Variants in HMGCLL1 observed in about 807,000 individuals in gnomAD.
HMGCLL1 encodes 3-hydroxy-3-methylglutaryl-CoA lyase like 1.
In HMGCLL1, 36 loss-of-function variants were observed where a neutral mutation model predicts 39.1. That is an observed-to-expected ratio of 0.92 (90% CI 0.71 to 1.22). The LOEUF (loss-of-function observed/expected upper bound fraction) is 1.22, where lower values mean the gene tolerates loss of function less well. Ranked by LOEUF, HMGCLL1 falls within the 50% of genes most tolerant of loss-of-function variation. The pLI is 0.00. For missense variants in HMGCLL1, 451 were observed against 416.5 expected (o/e 1.08, Z -0.72); for synonymous variants, 149 against 144.0 (o/e 1.03, Z -0.25).
the HMGCLL1 span, among the ~76,000 whole-genome samples, chr6:55,637,197 T>C: frequency 6.6e-6 from 1 of 152,138 alleles, no homozygotes; most frequent in African/African-American, 2.4e-5. Context: ...TGACGAGCTT[T>C]TATTTGAGAT....
the HMGCLL1 span, among the ~76,000 whole-genome samples, chr6:55,592,221 C>A: frequency 6.6e-6 from 1 of 151,918 alleles, no homozygotes; most frequent in Admixed American, 6.6e-5. Flanking sequence ...CCTCTAGTGT[C>A]TTTTATTTTA....
At chr6:55,458,544 G>A (rs932167658) in intron 7 of HMGCLL1, among the ~76,000 whole-genome samples, 5 of 152,212 alleles carry the variant, frequency 3.3e-5, no homozygotes, top group Middle Eastern at 3.4e-3. Flanking sequence ...AAATGAAGAC[G>A]GTCAGAACAA....
intron 1 of HMGCLL1, among the ~76,000 whole-genome samples, chr6:55,562,728 G>A (rs538570335): frequency 6.6e-6 from 1 of 152,206 alleles, no homozygotes; most frequent in South Asian, 2.1e-4. Flanking sequence ...AACAGGCTAA[G>A]CGATCAACTA....
At chr6:55,487,404 G>A (rs182929845) in intron 7 of HMGCLL1, among the ~76,000 whole-genome samples, 16 of 151,940 alleles carry the variant, frequency 1.1e-4, no homozygotes, top group East Asian at 7.8e-4. Flanking sequence ...CTATCAACCC[G>A]TCACCTACAT....
intron 8 of HMGCLL1, among the ~76,000 whole-genome samples, chr6:55,436,215 A>G (rs889779662): frequency 3.3e-5 from 5 of 152,024 alleles, no homozygotes; most frequent in Non-Finnish European, 7.4e-5. Context: ...GATTACAGAA[A>G]AGGTGTATGC....
At chr6:55,641,592 G>C in the HMGCLL1 span, among the ~76,000 whole-genome samples, 1 of 151,910 alleles carries the variant, frequency 6.6e-6, no homozygotes, top group Non-Finnish European at 1.5e-5. Context: ...TTGGAAGAAG[G>C]GAGTAGGAAA....
At chr6:55,492,814 C>G (rs1015467896) in intron 7 of HMGCLL1, among the ~76,000 whole-genome samples, 1 of 152,096 alleles carries the variant, frequency 6.6e-6, no homozygotes, top group Non-Finnish European at 1.5e-5. Context: ...GCCCCCTTCC[C>G]TCCCTTCTGC....
intron 7 of HMGCLL1, among the ~76,000 whole-genome samples, chr6:55,459,366 T>C (rs1764459970): frequency 6.6e-6 from 1 of 152,146 alleles, no homozygotes; most frequent in Non-Finnish European, 1.5e-5. Flanking sequence ...AAAATTATTT[T>C]AGACTGTTTA....
At chr6:55,676,996 G>A in the HMGCLL1 span, among the ~76,000 whole-genome samples, 1 of 152,182 alleles carries the variant, frequency 6.6e-6, no homozygotes. Context: ...TGTGGAAAGG[G>A]GTGCTATTGT....
chr6:55,521,393 A>G (rs951939499), intron 3 of HMGCLL1, among the ~76,000 whole-genome samples: 14 of 152,036 alleles, frequency 9.2e-5, no homozygotes, highest in Non-Finnish European at 1.9e-4. Context: ...GCTGTGCTTT[A>G]TTGTATTTCA....
chr6:55,610,441 G>T, the HMGCLL1 span, among the ~76,000 whole-genome samples: 1 of 152,054 alleles, frequency 6.6e-6, no homozygotes, highest in East Asian at 1.9e-4. Context: ...ATCAGAGCTT[G>T]AAGACTATCT....
rs541791733 is a variant in HMGCLL1, at chr6:55,497,497, A to G, written c.606+1739T>C. Among the ~76,000 whole-genome samples, 3 of 152,198 alleles carry G rather than the reference A, an allele frequency of 2.0e-5. No individual in the cohort carries two copies. In the East Asian group the frequency reaches 5.8e-4, roughly 29 times the overall value. Reference sequence around the variant, plus strand: ...GGCAGGTGCTGTGCTAGGTCCCAGGATATAATGGGGAAATGAATATTGACA... The same window carrying G: ...GGCAGGTGCTGTGCTAGGTCCCAGGGTATAATGGGGAAATGAATATTGACA... On this transcript the variant is annotated intron_variant, in intron 6 of 8. Coordinates refer to ENST00000274901, the MANE Select transcript of HMGCLL1 (RefSeq NM_001042406.2).
Position 55,499,304 on chromosome 6 carries a change from A to G in HMGCLL1, c.543-5T>C. On this transcript the variant is annotated splice_polypyrimidine_tract_variant and splice_region_variant and intron_variant, in intron 5 of 8. Transcript: ENST00000274901. Reference sequence around the variant, plus strand: ...CCCAGAGCACAAGACACATACCTAAATTAAAAATACAGCCTTATAAATATG... The same window carrying G: ...CCCAGAGCACAAGACACATACCTAAGTTAAAAATACAGCCTTATAAATATG... 6.3e-7 allele frequency: 1 copy of G among 1,590,360 alleles called. No homozygotes were observed. The highest frequency in any genetic ancestry group is 8.6e-7 in the Non-Finnish European group (1 of 1,168,622).
At chr6:55,601,948 T>C in the HMGCLL1 span, among the ~76,000 whole-genome samples, 1 of 152,114 alleles carries the variant, frequency 6.6e-6, no homozygotes, top group African/African-American at 2.4e-5. Context: ...ACAAATGCAA[T>C]CCATTCAATC....
chr6:55,496,958 A>G (rs1341002866), intron 6 of HMGCLL1, among the ~76,000 whole-genome samples: 3 of 152,120 alleles, frequency 2.0e-5, no homozygotes, highest in Admixed American at 1.3e-4. Context: ...TCATGGATCA[A>G]CTATATTAAG....
intron 1 of HMGCLL1, among the ~76,000 whole-genome samples, chr6:55,562,369 A>G (rs1770991594): frequency 2.0e-5 from 3 of 152,136 alleles, no homozygotes; most frequent in Non-Finnish European, 4.4e-5. Context: ...TTTTAGAAGT[A>G]CCAATATCAG....
intron 7 of HMGCLL1, among the ~76,000 whole-genome samples, chr6:55,488,578 T>C (rs1292792381): frequency 6.6e-6 from 1 of 152,038 alleles, no homozygotes; most frequent in Non-Finnish European, 1.5e-5. Flanking sequence ...TCATAATTGA[T>C]AGAAATAATT....
chr6:55,654,529 C>A, the HMGCLL1 span, among the ~76,000 whole-genome samples: 1 of 151,838 alleles, frequency 6.6e-6, no homozygotes, highest in South Asian at 2.1e-4. Flanking sequence ...TTAGCATGGA[C>A]TACTATCTTC....
intron 1 of HMGCLL1, chr6:55,577,238 A>G: frequency 1.6e-6 from 1 of 612,232 alleles, no homozygotes; most frequent in Non-Finnish European, 2.0e-6. Flanking sequence ...ACGATAAGAT[A>G]GAAAAAATCA....
Sources: gnomAD v4.1 joint callset for allele counts (sites outside exome capture counted in the v4.1 genomes callset) on GRCh38, gnomAD v4.1.1 for gene constraint, MANE v1.5 for transcripts, NCBI Gene and HGNC (gene_info 2026-07-23, HGNC 2026-07-21) for gene names.